The following COX7B2 variants were observed in gnomAD, a reference collection of about 807,000 sequenced individuals.
The protein encoded by COX7B2 is cytochrome c oxidase subunit 7B2, mitochondrial.
For synonymous variants in COX7B2, 37 were observed against 32.1 expected, an observed-to-expected ratio of 1.15 and a Z score of -0.51; for missense variants, 109 against 95.9, an observed-to-expected ratio of 1.14 and a Z score of -0.57.
chr4:46,747,058 GA>G (rs1018720175), intron 2 of COX7B2, among the ~76,000 whole-genome samples: 36 of 152,052 alleles, frequency 2.4e-4, no homozygotes, highest in Non-Finnish European at 2.9e-4. Context: ...AACAGACCAG[GA>G]AAAGCCTTCT....
chr4:46,757,287 A>G (rs1233441072), intron 2 of COX7B2, among the ~76,000 whole-genome samples: 3 of 133,940 alleles, frequency 2.2e-5, no homozygotes, highest in African/African-American at 8.2e-5. Flanking sequence ...AGAGTGGAAT[A>G]GTAGACACCA....
intron 1 of COX7B2, among the ~76,000 whole-genome samples, chr4:46,853,574 T>A (rs760703503): frequency 6.6e-6 from 1 of 152,138 alleles, no homozygotes; most frequent in African/African-American, 2.4e-5. Flanking sequence ...GTCAAGATAA[T>A]GTTTTACCAT....
intron 1 of COX7B2, among the ~76,000 whole-genome samples, chr4:46,877,930 C>T (rs1200521601): frequency 6.6e-6 from 1 of 152,010 alleles, no homozygotes; most frequent in Non-Finnish European, 1.5e-5. Flanking sequence ...TCTGTACTCT[C>T]ATGTTCACTG....
chr4:46,825,272 C>A (rs2109707510), intron 2 of COX7B2, among the ~76,000 whole-genome samples: 1 of 151,974 alleles, frequency 6.6e-6, no homozygotes, highest in South Asian at 2.1e-4. Flanking sequence ...AAAGGCAATC[C>A]CATTCACAAT....
intron 2 of COX7B2, among the ~76,000 whole-genome samples, chr4:46,810,180 A>G (rs1719217214): frequency 6.6e-6 from 1 of 151,948 alleles, no homozygotes; most frequent in Admixed American, 6.5e-5. Flanking sequence ...ATTGATTTTT[A>G]TCCATTCAGC....
At chr4:46,903,708 A>G (rs1720207426) in intron 1 of COX7B2, among the ~76,000 whole-genome samples, 1 of 152,200 alleles carries the variant, frequency 6.6e-6, no homozygotes, top group African/African-American at 2.4e-5. Flanking sequence ...CTACACAAAT[A>G]CTGACCATTG....
chr4:46,772,734 C>T (rs930140008), intron 2 of COX7B2, among the ~76,000 whole-genome samples: 1 of 151,862 alleles, frequency 6.6e-6, no homozygotes, highest in African/African-American at 2.4e-5. Context: ...TTTCTTTCAA[C>T]TTATGCAGGA....
intron 2 of COX7B2, among the ~76,000 whole-genome samples, chr4:46,751,354 T>G (rs2109431731): frequency 6.6e-6 from 1 of 152,140 alleles, no homozygotes; most frequent in South Asian, 2.1e-4. Flanking sequence ...TGTATACATG[T>G]TATTTGTTGA....
chr4:46,870,421 GCACA>G (rs1717916324), intron 1 of COX7B2, among the ~76,000 whole-genome samples: 1 of 152,068 alleles, frequency 6.6e-6, no homozygotes, highest in Non-Finnish European at 1.5e-5. Flanking sequence ...TTGAAAGCCA[GCACA>G]AGACAAGGAT....
intron 1 of COX7B2, among the ~76,000 whole-genome samples, chr4:46,882,250 C>T (rs530433743): frequency 1.2e-4 from 19 of 152,118 alleles, no homozygotes; most frequent in African/African-American, 3.1e-4. Flanking sequence ...CATTTGGCGA[C>T]GAGAAGAATG....
intron 2 of COX7B2, among the ~76,000 whole-genome samples, chr4:46,754,550 G>A (rs74321111): frequency 0.24 from 18,081 of 74,586 alleles, 2,761 homozygotes; most frequent in South Asian, 0.38. Context: ...GGGGGGTGGG[G>A]GGAGGGGGGA....
Position 46,862,754 on chromosome 4 carries a change from C to T in COX7B2, c.-104-17740G>A, listed in dbSNP as rs369830314. ...TGTTCAGACTTTAAAAATGTTTAAT[C>T]AGGAAGTAACTTTGAATGATGACTA... On this transcript the variant is annotated intron_variant, in intron 1 of 2. Transcript: ENST00000355591. 2.6e-5 allele frequency among the ~76,000 whole-genome samples: 4 copies of T among 152,198 alleles called. No homozygotes were observed. The East Asian group carries it at 7.7e-4, about 29-fold the overall frequency.
chr4:46,900,720 G>T (rs1720030042), intron 1 of COX7B2, among the ~76,000 whole-genome samples: 1 of 152,054 alleles, frequency 6.6e-6, no homozygotes, highest in South Asian at 2.1e-4. Context: ...TATAAAAGAG[G>T]CCCAATGAAG....
intron 1 of COX7B2, among the ~76,000 whole-genome samples, chr4:46,857,693 C>T (rs1717081655): frequency 1.3e-5 from 2 of 152,106 alleles, no homozygotes; most frequent in Admixed American, 1.3e-4. Context: ...AAACAAAAGG[C>T]AAGTAGAATT....
chr4:46,807,291 G>GGTA (rs1719052861), intron 2 of COX7B2, among the ~76,000 whole-genome samples: 1 of 151,750 alleles, frequency 6.6e-6, no homozygotes, highest in South Asian at 2.1e-4. Flanking sequence ...TTTCATACCT[G>GGTA]TTGGCCATTT....
chr4:46,777,408 C>T (rs749396130), intron 2 of COX7B2, among the ~76,000 whole-genome samples: 2 of 151,524 alleles, frequency 1.3e-5, no homozygotes, highest in Non-Finnish European at 1.5e-5. Context: ...GAGATGAAGG[C>T]GGTGGTGGTG....
chr4:46,801,519 C>T (rs544370577), intron 2 of COX7B2, among the ~76,000 whole-genome samples: 3 of 152,182 alleles, frequency 2.0e-5, no homozygotes, highest in African/African-American at 7.2e-5. Flanking sequence ...TAAGTGAGAA[C>T]ACTCATGGAC....
chr4:46,890,735 A>C (rs1395291516), intron 1 of COX7B2, among the ~76,000 whole-genome samples: 1 of 152,220 alleles, frequency 6.6e-6, no homozygotes, highest in African/African-American at 2.4e-5. Flanking sequence ...GAGTGTTCTT[A>C]AAGTATTGAG....
chr4:46,798,870 TTCTC>T (rs1718496224), intron 2 of COX7B2, among the ~76,000 whole-genome samples: 1 of 152,156 alleles, frequency 6.6e-6, no homozygotes, highest in Non-Finnish European at 1.5e-5. Flanking sequence ...GCAATGCCTT[TTCTC>T]TCTTAGTCTA....
Sources: gnomAD v4.1 joint callset for allele counts (sites outside exome capture counted in the v4.1 genomes callset) on GRCh38, gnomAD v4.1.1 for gene constraint, MANE v1.5 for transcripts, NCBI Gene and HGNC (gene_info 2026-07-23, HGNC 2026-07-21) for gene names.